The following ZNF423 variants were observed in gnomAD, a reference collection of about 807,000 sequenced individuals.
ZNF423 encodes the protein Ebf-associated zinc finger protein.
A neutral mutation model predicts 95.8 loss-of-function variants in ZNF423; 12 were observed. The observed-to-expected ratio is 0.13, with a 90% CI of 0.08 to 0.20. The LOEUF (loss-of-function observed/expected upper bound fraction) is 0.20. Ranked by LOEUF, ZNF423 falls within the 10% of genes least tolerant of loss-of-function variation. The pLI is 1.00. For synonymous variants in ZNF423, 749 were observed against 711.9 expected, an observed-to-expected ratio of 1.05 and a Z score of -0.83; for missense variants, 1,316 against 1,737.1, an observed-to-expected ratio of 0.76 and a Z score of 4.31.
chr16:49,809,628 T>A (rs751906215), intron 1 of ZNF423, among the ~76,000 whole-genome samples: 1 of 152,174 alleles, frequency 6.6e-6, no homozygotes, highest in African/African-American at 2.4e-5. Flanking sequence ...CGAGAACAGA[T>A]GTGGCTGCCT....
chr16:49,766,730 T>G (rs528052072), intron 2 of ZNF423, among the ~76,000 whole-genome samples: 4 of 152,276 alleles, frequency 2.6e-5, no homozygotes, highest in African/African-American at 7.2e-5. Context: ...AGCAACAGCT[T>G]CAGCAGTGCA....
intron 2 of ZNF423, among the ~76,000 whole-genome samples, chr16:49,741,005 G>A (rs888033205): frequency 2.0e-5 from 3 of 152,084 alleles, no homozygotes; most frequent in African/African-American, 7.2e-5. Context: ...CTGAGGCTCC[G>A]ATGGCTGAGA....
chr16:49,674,840 G>A (rs1043056909), intron 3 of ZNF423, among the ~76,000 whole-genome samples: 40 of 152,238 alleles, frequency 2.6e-4, no homozygotes, highest in African/African-American at 9.4e-4. Flanking sequence ...CCCAGTGGCC[G>A]GTTTGTCTTA....
chr16:49,842,057 C>T (rs1417037755), intron 1 of ZNF423, among the ~76,000 whole-genome samples: 1 of 151,446 alleles, frequency 6.6e-6, no homozygotes, highest in Non-Finnish European at 1.5e-5. Context: ...GCCAACATAG[C>T]GAAACCCTGT....
At chr16:49,696,703 G>C (rs1169542385) in intron 3 of ZNF423, among the ~76,000 whole-genome samples, 3 of 150,284 alleles carry the variant, frequency 2.0e-5, no homozygotes, top group African/African-American at 7.4e-5. Flanking sequence ...TTTGTTGCCA[G>C]AGTCCTGGCG....
intron 1 of ZNF423, among the ~76,000 whole-genome samples, chr16:49,807,429 CA>C (rs375275678): frequency 1.4e-5 from 2 of 142,682 alleles, no homozygotes; most frequent in South Asian, 2.2e-4. Flanking sequence ...TATTCCGTCT[CA>C]AAAAAAAAAC....
chr16:49,722,388 G>C (rs537914101), intron 3 of ZNF423, among the ~76,000 whole-genome samples: 11 of 152,316 alleles, frequency 7.2e-5, no homozygotes, highest in Admixed American at 6.5e-4. Context: ...GAAGGAGGCT[G>C]TTTAAAGACC....
chr16:49,854,190 G>A, intron 1 of ZNF423: 1 of 985,360 alleles, frequency 1.0e-6, no homozygotes, highest in Non-Finnish European at 1.2e-6. Flanking sequence ...AGGCTGTCCC[G>A]GATTGGGAGA....
intron 7 of ZNF423, among the ~76,000 whole-genome samples, chr16:49,499,673 G>A (rs987338061): frequency 2.0e-5 from 3 of 152,252 alleles, no homozygotes; most frequent in Non-Finnish European, 4.4e-5. Context: ...CTCTTGCCAG[G>A]ACACAAAAGA....
chr16:49,514,922 C>T (rs996696943), intron 7 of ZNF423, among the ~76,000 whole-genome samples: 9 of 152,202 alleles, frequency 5.9e-5, no homozygotes, highest in African/African-American at 2.2e-4. Context: ...TCTGACATGC[C>T]CTGGCAGGCA....
Position 49,637,882 on chromosome 16 carries a change from C to G in ZNF423, c.1294G>C (p.Val432Leu). ...ATGGTCTTCAGGTGGATCTCCAGCA[C>G]GGCCAGGCTGTTAAAGTCCCGCTTG... ...CSKRDFNSLAVLEIHLKTIHA... is the reference protein window; with the variant it reads ...CSKRDFNSLALLEIHLKTIHA... Residue 432 changes from valine to leucine, a missense_variant, in exon 4 of 8, where the codon GTG (valine) becomes CTG (leucine). Val to Leu is a conservative substitution (Grantham distance 32, BLOSUM62 1). Transcript: ENST00000563137. The surrounding 1 kb of genome is among the most constrained non-coding windows in gnomAD (Gnocchi z 5.6). The G allele has an allele frequency of 6.2e-7, 1 of 1,614,116 alleles. No individual in the cohort carries two copies. The highest frequency in any genetic ancestry group is 1.6e-4 in the Middle Eastern group (1 of 6,062).
At chr16:49,629,492 AAC>A (rs1972423818) in intron 4 of ZNF423, among the ~76,000 whole-genome samples, 1 of 152,172 alleles carries the variant, frequency 6.6e-6, no homozygotes, top group Non-Finnish European at 1.5e-5. Flanking sequence ...CTCTATGTGC[AAC>A]ACCCCCTCCA....
intron 2 of ZNF423, among the ~76,000 whole-genome samples, chr16:49,731,762 A>G (rs2033174577): frequency 6.6e-6 from 1 of 152,112 alleles, no homozygotes; most frequent in South Asian, 2.1e-4. Flanking sequence ...GGGAACTATG[A>G]TCGTGCCACT....
chr16:49,632,152 C>T (rs755026928), intron 4 of ZNF423, among the ~76,000 whole-genome samples: 4 of 152,162 alleles, frequency 2.6e-5, no homozygotes, highest in Non-Finnish European at 4.4e-5. Flanking sequence ...GTGCTGGTCT[C>T]GAGTTGGGGT....
intron 3 of ZNF423, among the ~76,000 whole-genome samples, chr16:49,646,633 C>T (rs917202939): frequency 1.4e-5 from 2 of 147,334 alleles, no homozygotes; most frequent in Non-Finnish European, 3.0e-5. Flanking sequence ...TGCAGTGGCA[C>T]GATCTTGGCT....
At chr16:49,750,237 CT>C (rs2033609093) in intron 2 of ZNF423, among the ~76,000 whole-genome samples, 1 of 152,226 alleles carries the variant, frequency 6.6e-6, no homozygotes, top group South Asian at 2.1e-4. Flanking sequence ...TCTCCTCTTT[CT>C]CCTCCACCAA....
intron 3 of ZNF423, among the ~76,000 whole-genome samples, chr16:49,677,670 C>T (rs2031172506): frequency 6.6e-6 from 1 of 150,562 alleles, no homozygotes; most frequent in African/African-American, 2.4e-5. Context: ...GGGAGGATTG[C>T]TTCAGCCCAG....
rs183091934 is a variant in ZNF423, at chr16:49,620,314, G to A, written c.3601+5856C>T. The stretch of plus-strand genomic sequence containing the variant: ...CCAGTCCTGCCACAGTGACAGGGGA[G>A]GGCTGGGGACAAGAGGACACACAAG... On this transcript the variant is annotated intron_variant, in intron 5 of 7. Coordinates refer to ENST00000563137, the MANE Select transcript of ZNF423 (RefSeq NM_001379286.1). Among the ~76,000 whole-genome samples the A allele has an allele frequency of 2.0e-5, 3 of 152,248 alleles. No homozygotes were observed. The East Asian group carries it at 5.8e-4, about 29-fold the overall frequency.
intron 1 of ZNF423, among the ~76,000 whole-genome samples, chr16:49,839,656 T>TC (rs1449359277): frequency 2.0e-5 from 3 of 152,226 alleles, no homozygotes; most frequent in African/African-American, 7.2e-5. Context: ...AGGAACTGAC[T>TC]CGCGGCCCCA....
Sources: gnomAD v4.1 joint callset for allele counts (sites outside exome capture counted in the v4.1 genomes callset) on GRCh38, gnomAD v4.1.1 for gene constraint, Gnocchi (gnomAD v3.1) non-coding constraint, MANE v1.5 for transcripts, NCBI Gene and HGNC (gene_info 2026-07-23, HGNC 2026-07-21) for gene names.